Variants in PANK4 observed in about 807,000 individuals in gnomAD.
PANK4 encodes 4'-phosphopantetheine phosphatase.
In PANK4, 40 loss-of-function variants were observed where a neutral mutation model predicts 87.9. The ratio of observed to expected loss-of-function variants is 0.46; its 90% CI spans 0.35 to 0.59. The LOEUF is 0.59. Ranked by LOEUF, PANK4 falls within the 20% of genes least tolerant of loss-of-function variation. The pLI, the probability that PANK4 is intolerant of heterozygous loss-of-function variation, is 0.00. For missense variants in PANK4, 926 were observed against 1,072.3 expected (o/e 0.86, Z 1.90); for synonymous variants, 524 against 467.4 (o/e 1.12, Z -1.56).
At position 2,513,976 on chromosome 1, in the gene PANK4, G is replaced by A. The variant is rs375321493; in HGVS notation, c.1575+26C>T. 67 of 1,543,218 alleles carry A rather than the reference G, an allele frequency of 4.3e-5. 1 individual carries two copies. In the Middle Eastern group the frequency reaches 1.8e-3, roughly 42 times the overall value. ...CAGCGGGACGGGGACAAGAGCGAGC[G>A]GAAGGCCAGGGCACACTGCACTTAC... On this transcript the variant is annotated intron_variant, in intron 12 of 18. Transcript: ENST00000378466.
At position 2,509,783 on chromosome 1, in the gene PANK4, C is replaced by G; in HGVS notation, c.2108+79G>C. On this transcript the variant is annotated intron_variant, in intron 18 of 18. Transcript: ENST00000378466. This position sits in a 1 kb window ranked among gnomAD's most constrained non-coding sequence, Gnocchi z 4.9. ...GGGCAGTCCTGAGGTCGGTGTCCCGCATGCACCTGGGTGCAGGTGCACGGC... is the reference window on the plus strand; with the variant it reads ...GGGCAGTCCTGAGGTCGGTGTCCCGGATGCACCTGGGTGCAGGTGCACGGC... 1 of 1,298,260 alleles carries G rather than the reference C, an allele frequency of 7.7e-7. No individual in the cohort carries two copies. Among genetic ancestry groups the G allele is most frequent in the Non-Finnish European group, 1.1e-6 (1 of 904,806 alleles). The allele number at this position is 1,298,260 out of a possible 1,614,324, so 80.4% of individuals were successfully genotyped here.
intron 1 of PANK4, 42 bp downstream of exon 1, chr1:2,526,422 C>T: frequency 9.0e-7 from 1 of 1,114,070 alleles, no homozygotes; most frequent in Non-Finnish European, 1.1e-6. Context: ...CGGCGCCCCG[C>T]CCGCCCCCGC....
chr1:2,521,006 A>C (rs762645902), intron 3 of PANK4, 95 bp downstream of exon 3: 1 of 1,519,804 alleles, frequency 6.6e-7, no homozygotes, highest in Non-Finnish European at 9.1e-7. Flanking sequence ...CCCATGCGCA[A>C]TCTGACACAC....
rs2100769374 is a variant in PANK4 at position 2,510,429 on chromosome 1, G to T, written c.1938+249C>A. The T allele has an allele frequency of 1.7e-6, 1 of 596,438 alleles. No homozygotes were observed. The highest frequency in any genetic ancestry group is 2.8e-5 in the East Asian group (1 of 36,148). 36.9% of individuals were successfully genotyped at this position (596,438 alleles called of 1,614,324 possible). Reference sequence around the variant, plus strand: ...CACAGCCCCAAAGCCTCCTTGCTGTGAGCACCCTTCCAGGAGCCTGGCGTC... The same window carrying T: ...CACAGCCCCAAAGCCTCCTTGCTGTTAGCACCCTTCCAGGAGCCTGGCGTC... On this transcript the variant is annotated intron_variant, in intron 16 of 18. Coordinates refer to ENST00000378466, the MANE Select transcript of PANK4 (RefSeq NM_018216.4). The surrounding 1 kb of genome is among the most constrained non-coding windows in gnomAD (Gnocchi z 4.9).
At chr1:2,514,716 C>T (rs1416429719) in intron 10 of PANK4, among the ~76,000 whole-genome samples, 2 of 118,526 alleles carry the variant, frequency 1.7e-5, no homozygotes, top group African/African-American at 6.9e-5. Flanking sequence ...GGGACTCGGG[C>T]AGGGTGGGGG....
At position 2,521,079 on chromosome 1, in the gene PANK4, C is replaced by T. The variant is rs371466297; in HGVS notation, c.422+22G>A. ...CGGGGGCAGACACATGTTCCTTTCTCGCCCTTGAGATCCCCACTCACTTCA... is the reference window on the plus strand; with the variant it reads ...CGGGGGCAGACACATGTTCCTTTCTTGCCCTTGAGATCCCCACTCACTTCA... On this transcript the variant is annotated intron_variant, in intron 3 of 18. Coordinates refer to ENST00000378466, the MANE Select transcript of PANK4 (RefSeq NM_018216.4). The T allele has an allele frequency of 1.9e-5, 31 of 1,596,494 alleles. No individual in the cohort carries two copies. The African/African-American group carries it at 2.0e-4, about 10-fold the overall frequency.
intron 9 of PANK4, among the ~76,000 whole-genome samples, chr1:2,517,080 T>G (rs1394444250): frequency 6.6e-6 from 1 of 152,204 alleles, no homozygotes; most frequent in Non-Finnish European, 1.5e-5. Flanking sequence ...TGGCAAATTA[T>G]GCACACTTGG....
At chr1:2,526,202 G>C (rs972570697) in intron 1 of PANK4, 1 of 152,890 alleles carries the variant, frequency 6.5e-6, no homozygotes, top group Middle Eastern at 3.2e-3. Context: ...CGAACTACCA[G>C]GCCCGGCAGG....
chr1:2,525,416 T>C (rs937370596), intron 1 of PANK4, among the ~76,000 whole-genome samples: 2 of 151,702 alleles, frequency 1.3e-5, no homozygotes, highest in Non-Finnish European at 1.5e-5. Flanking sequence ...ACGACCGAGA[T>C]GAGTGCTAAG....
At position 2,510,008 on chromosome 1, in the gene PANK4, G is replaced by A; in HGVS notation, c.2039+49C>T. ...TCCCCATGGCCCACTCTGCCCAGCTGGTGCCCCTCCCCATCAAGGCCCCCC... is the reference window on the plus strand; with the variant it reads ...TCCCCATGGCCCACTCTGCCCAGCTAGTGCCCCTCCCCATCAAGGCCCCCC... On this transcript the variant is annotated intron_variant, in intron 17 of 18. Coordinates refer to ENST00000378466, the MANE Select transcript of PANK4 (RefSeq NM_018216.4). The surrounding 1 kb of genome is among the most constrained non-coding windows in gnomAD (Gnocchi z 4.9). 1 of 1,576,664 alleles carries A rather than the reference G, an allele frequency of 6.3e-7. No homozygotes were observed. Among genetic ancestry groups the A allele is most frequent in the Non-Finnish European group, 8.7e-7 (1 of 1,154,306 alleles).
At position 2,514,446 on chromosome 1, in the gene PANK4, C is replaced by A; in HGVS notation, c.1395G>T (p.Ala465=). ...CTGCATCCACAGAGTCTGGCTGGCTCGCCACTGCGCGCTTCACTACCTGCC... is the reference window on the plus strand; with the variant it reads ...CTGCATCCACAGAGTCTGGCTGGCTAGCCACTGCGCGCTTCACTACCTGCC... The part of the protein sequence containing the change: ...ALDGVVKRAV[A]SQPDSVDAAE... The change falls in exon 11 of 19, where the codon GCG becomes GCT. Residue 465 remains alanine (A), a synonymous_variant. Transcript: ENST00000378466. The A allele has an allele frequency of 6.2e-7, 1 of 1,610,822 alleles. No homozygotes were observed.
rs374992562 is a variant in PANK4 at position 2,518,174 on chromosome 1, C to T, written c.1208G>A (p.Arg403Gln). ...SPELGPAQRA[R>Q]SGTFDLLEMD... ...GAGCCCACTACTCACAGTGCCACTC[C>T]GCGCCCGCTGCGCCGGGCCGAGCTC... The change falls in exon 9 of 19, where the codon CGG (arginine) becomes CAG (glutamine). Residue 403 changes from arginine (R) to glutamine (Q), a missense_variant. Arg to Gln is a conservative substitution (Grantham distance 43). Transcript: ENST00000378466. The T allele has an allele frequency of 5.9e-5, 94 of 1,603,892 alleles. No individual in the cohort carries two copies. The African/African-American group carries it at 6.7e-4, about 11-fold the overall frequency.
chr1:2,522,306 A>C (rs1436005128), intron 1 of PANK4, among the ~76,000 whole-genome samples: 1 of 152,192 alleles, frequency 6.6e-6, no homozygotes, highest in Non-Finnish European at 1.5e-5. Context: ...GGAGAGGCAA[A>C]CGGTGCCGCT....
At position 2,521,262 on chromosome 1, in the gene PANK4, G is replaced by A; in HGVS notation, c.261C>T (p.Ile87=). ...ACTTAATGAAGTGCAGTCGAGCAGT[G>A]ATCTCTTCTTGAACTGAAATCTCAT... ...PPYEISVQEE[I]TARLHFIKFE... The change falls in exon 3 of 19, where the codon ATC becomes ATT. Residue 87 remains isoleucine (I), a synonymous_variant. Transcript: ENST00000378466. The A allele has an allele frequency of 6.2e-7, 1 of 1,613,936 alleles. No homozygotes were observed. Among genetic ancestry groups the A allele is most frequent in the Non-Finnish European group, 8.5e-7 (1 of 1,179,980 alleles).
At chr1:2,526,124 C>G (rs1643920532) in intron 1 of PANK4, 1 of 152,366 alleles carries the variant, frequency 6.6e-6, no homozygotes, top group African/African-American at 2.4e-5. Flanking sequence ...ACATAAAATT[C>G]CGCCGACCCT....
intron 15 of PANK4, among the ~76,000 whole-genome samples, chr1:2,511,060 C>T (rs1382428193): frequency 6.6e-6 from 1 of 152,164 alleles, no homozygotes; most frequent in East Asian, 1.9e-4. Context: ...ACTGGGGCTT[C>T]AGGACCCCAG....
At chr1:2,526,214 C>A (rs1643921771) in intron 1 of PANK4, 2 of 153,820 alleles carry the variant, frequency 1.3e-5, no homozygotes, top group Admixed American at 6.5e-5. Flanking sequence ...CCCGGCAGGC[C>A]CCGCTCTGGT....
In PANK4 at chr1:2,508,703, TCA is replaced by T; in HGVS notation, c.*142_*143del. On this transcript the variant is annotated 3_prime_UTR_variant, in exon 19 of 19. Transcript: ENST00000378466. This position sits in a 1 kb window ranked among gnomAD's most constrained non-coding sequence, Gnocchi z 5.1. ...GACAAAGCTGCGTCTCGCCTCTGGG[TCA>T]CACGCATCTGTGCGGCTGGGGTGTA... 2 of 611,616 alleles carry T rather than the reference TCA, an allele frequency of 3.3e-6. No individual in the cohort carries two copies. The highest frequency in any genetic ancestry group is 5.9e-6 in the Non-Finnish European group (2 of 339,950). 37.9% of individuals were successfully genotyped at this position (611,616 alleles called of 1,614,324 possible). A position where few individuals can be genotyped will look rare whatever the true frequency, so the allele number is the denominator to read the frequency against.
Position 2,510,800 on chromosome 1 carries a change from G to C in PANK4, c.1834-18C>G. 6.8e-7 allele frequency: 1 copy of C among 1,464,386 alleles called. No homozygotes were observed. The highest frequency in any genetic ancestry group is 9.6e-7 in the Non-Finnish European group (1 of 1,044,234). 90.7% of individuals were successfully genotyped at this position (1,464,386 alleles called of 1,614,324 possible). On this transcript the variant is annotated intron_variant, in intron 15 of 18. Transcript: ENST00000378466. This position sits in a 1 kb window ranked among gnomAD's most constrained non-coding sequence, Gnocchi z 4.9. ...GGGGGCCCCTGTAAGACAAAACCAG[G>C]ACGTTCAGTTGGGAACAGGCGCATC...
Sources: gnomAD v4.1 joint callset for allele counts (sites outside exome capture counted in the v4.1 genomes callset) on GRCh38, gnomAD v4.1.1 for gene constraint, Gnocchi (gnomAD v3.1) non-coding constraint, MANE v1.5 for transcripts, NCBI Gene and HGNC (gene_info 2026-07-23, HGNC 2026-07-21) for gene names.